ULK4: variants seen among roughly 807,000 people sequenced by gnomAD.
ULK4 encodes the protein unc-51 like kinase 4.
In ULK4, 133 loss-of-function variants were observed where a neutral mutation model predicts 160.6. The ratio of observed to expected loss-of-function variants is 0.83; its 90% CI spans 0.72 to 0.96. The LOEUF is 0.96. Ranked by LOEUF, ULK4 falls within the 40% of genes least tolerant of loss-of-function variation. The pLI is 0.00. For missense variants in ULK4, 1,580 were observed against 1,499.5 expected, an observed-to-expected ratio of 1.05 and a Z score of -0.89; for synonymous variants, 534 against 539.8, an observed-to-expected ratio of 0.99 and a Z score of 0.15.
chr3:41,427,715 C>T (rs372804107), intron 34 of ULK4, among the ~76,000 whole-genome samples: 1 of 152,122 alleles, frequency 6.6e-6, no homozygotes, highest in Non-Finnish European at 1.5e-5. Flanking sequence ...TGATAAAATT[C>T]AACATCCCTC....
intron 11 of ULK4, among the ~76,000 whole-genome samples, chr3:41,909,451 C>T (rs1698695864): frequency 6.6e-6 from 1 of 152,060 alleles, no homozygotes; most frequent in Non-Finnish European, 1.5e-5. Context: ...TGGCTCATGC[C>T]TGTAATTCTC....
intron 18 of ULK4, among the ~76,000 whole-genome samples, chr3:41,828,931 C>T (rs1273867785): frequency 4.0e-5 from 6 of 151,752 alleles, no homozygotes; most frequent in Admixed American, 2.6e-4. Context: ...CAGCATGGTA[C>T]TGGTACCAAA....
chr3:41,789,738 C>T lies in ULK4; in HGVS notation c.2116G>A (p.Val706Ile), dbSNP rs752234664. Reference sequence around the variant, plus strand: ...AATAAGGTCAACATGTACTGCTGAACTTTGCAGATGGCAGAGGCCAGGGAG... The same window carrying T: ...AATAAGGTCAACATGTACTGCTGAATTTTGCAGATGGCAGAGGCCAGGGAG... ...INSLASAICK[V>I]QQYMLTLFAA... Residue 706 changes from valine to isoleucine, a missense_variant, in exon 21 of 37, where the codon GTT becomes ATT. Coordinates refer to ENST00000301831, the MANE Select transcript of ULK4 (RefSeq NM_017886.4). The T allele has an allele frequency of 9.3e-6, 15 of 1,613,812 alleles. No homozygotes were observed. Among genetic ancestry groups the T allele is most frequent in the African/African-American group, 1.3e-5 (1 of 75,024 alleles).
chr3:41,796,609 AG>A (rs2040307357), intron 20 of ULK4, among the ~76,000 whole-genome samples: 1 of 152,112 alleles, frequency 6.6e-6, no homozygotes, highest in African/African-American at 2.4e-5. Flanking sequence ...ACAAAAAGAA[AG>A]AAAGAGGGAA....
intron 9 of ULK4, 152 bp downstream of exon 9, chr3:41,912,655 A>C (rs1224806389): frequency 1.7e-6 from 1 of 587,520 alleles, no homozygotes; most frequent in Non-Finnish European, 2.9e-6. Flanking sequence ...TCATGAGTAA[A>C]CTCCTCAAGC....
intron 32 of ULK4, among the ~76,000 whole-genome samples, chr3:41,501,743 A>G (rs938034787): frequency 2.0e-5 from 3 of 152,128 alleles, no homozygotes; most frequent in African/African-American, 7.2e-5. Context: ...ATGCTATACC[A>G]TAGATCTCTT....
intron 32 of ULK4, among the ~76,000 whole-genome samples, chr3:41,538,837 T>G (rs1430983452): frequency 6.6e-6 from 1 of 152,124 alleles, no homozygotes; most frequent in Non-Finnish European, 1.5e-5. Flanking sequence ...GTGGCATTTA[T>G]GGAGAAAATG....
intron 30 of ULK4, among the ~76,000 whole-genome samples, chr3:41,633,103 G>A (rs6783612): frequency 0.38 from 57,519 of 152,064 alleles, 14,718 homozygotes; most frequent in African/African-American, 0.73. Flanking sequence ...AGAAGGTAGC[G>A]AAAGATCCAG....
intron 34 of ULK4, among the ~76,000 whole-genome samples, chr3:41,399,508 C>CT (rs1236641790): frequency 2.0e-5 from 3 of 152,152 alleles, no homozygotes; most frequent in South Asian, 2.1e-4. Flanking sequence ...TTTGAAAACT[C>CT]TAACTTTTTT....
At chr3:41,691,264 C>T (rs960717022) in intron 27 of ULK4, among the ~76,000 whole-genome samples, 5 of 151,852 alleles carry the variant, frequency 3.3e-5, no homozygotes, top group African/African-American at 1.2e-4. Flanking sequence ...CACATACGAA[C>T]AACCCACCCC....
chr3:41,789,631 G>T, intron 21 of ULK4, 30 bp downstream of exon 21: 1 of 1,508,530 alleles, frequency 6.6e-7, no homozygotes, highest in Admixed American at 2.3e-5. Context: ...AATTTTTAAT[G>T]TAGAGTAACA....
At chr3:41,360,704 G>A (rs905929196) in intron 35 of ULK4, among the ~76,000 whole-genome samples, 1 of 152,108 alleles carries the variant, frequency 6.6e-6, no homozygotes, top group African/African-American at 2.4e-5. Context: ...TTATAAGTGG[G>A]AGCCTGAACG....
Position 41,654,455 on chromosome 3 carries a change from G to A in ULK4, c.3071+9152C>T, listed in dbSNP as rs114631979. Among the ~76,000 whole-genome samples the A allele has an allele frequency of 9.3e-3, 1,411 of 152,202 alleles. 21 individuals are homozygous for A. The highest frequency in any genetic ancestry group is 0.032 in the African/African-American group (1,318 of 41,516). ...CTGTTAAATGATAATCTCAGTGAAA[G>A]AATACAAAATACTTTAGCAAAGCCA... On this transcript the variant is annotated intron_variant, in intron 30 of 36. Transcript: ENST00000301831.
At chr3:41,383,630 T>C (rs2081727651) in intron 35 of ULK4, among the ~76,000 whole-genome samples, 3 of 152,182 alleles carry the variant, frequency 2.0e-5, no homozygotes, top group Admixed American at 2.0e-4. Flanking sequence ...TAGAACCAGA[T>C]AATAATTCCC....
At chr3:41,347,382 C>A (rs2080821955) in intron 35 of ULK4, among the ~76,000 whole-genome samples, 2 of 152,098 alleles carry the variant, frequency 1.3e-5, no homozygotes, top group Non-Finnish European at 2.9e-5. Context: ...CCAGACAGGC[C>A]ACAACATTCC....
intron 27 of ULK4, among the ~76,000 whole-genome samples, chr3:41,698,597 T>C (rs941989000): frequency 6.6e-6 from 1 of 152,186 alleles, no homozygotes; most frequent in Admixed American, 6.5e-5. Context: ...GTCCCAAGTG[T>C]TTCAGATAAG....
At chr3:41,752,468 A>G (rs181110508) in intron 22 of ULK4, among the ~76,000 whole-genome samples, 310 of 152,338 alleles carry the variant, frequency 2.0e-3, no homozygotes, top group African/African-American at 7.1e-3. Context: ...AAGACATTGG[A>G]CAAGGAAAAC....
intron 31 of ULK4, among the ~76,000 whole-genome samples, chr3:41,566,545 T>G (rs2087790274): frequency 6.6e-6 from 1 of 152,250 alleles, no homozygotes; most frequent in African/African-American, 2.4e-5. Context: ...TTTTTCCCAC[T>G]TTAGTACATT....
At chr3:41,351,559 C>T (rs1022436466) in intron 35 of ULK4, among the ~76,000 whole-genome samples, 1 of 152,200 alleles carries the variant, frequency 6.6e-6, no homozygotes, top group African/African-American at 2.4e-5. Flanking sequence ...ACTGCTTCAT[C>T]TTTTCTCTTC....
Sources: gnomAD v4.1 joint callset for allele counts (sites outside exome capture counted in the v4.1 genomes callset) on GRCh38, gnomAD v4.1.1 for gene constraint, MANE v1.5 for transcripts, NCBI Gene and HGNC (gene_info 2026-07-23, HGNC 2026-07-21) for gene names.